Variants in LMX1B observed in about 807,000 individuals in gnomAD.
The protein encoded by LMX1B is LIM homeobox transcription factor 1 beta.
In LMX1B, 12 loss-of-function variants were observed where a neutral mutation model predicts 51.4. That is an observed-to-expected ratio of 0.23 (90% CI 0.15 to 0.38). The LOEUF (loss-of-function observed/expected upper bound fraction) is 0.38. Among genes scored for constraint, LMX1B ranks in the 10% least tolerant of loss-of-function variants. The pLI is 1.00. For missense variants in LMX1B, 445 were observed against 571.1 expected (o/e 0.78, Z 2.25); for synonymous variants, 237 against 235.4 (o/e 1.01, Z -0.06).
intron 2 of LMX1B, among the ~76,000 whole-genome samples, chr9:126,622,593 G>C (rs1835437687): frequency 6.6e-6 from 1 of 152,246 alleles, no homozygotes; most frequent in African/African-American, 2.4e-5. Flanking sequence ...TGTGACTGCT[G>C]TTCCCCCTTC....
chr9:126,674,604 G>A (rs191463128), intron 2 of LMX1B, among the ~76,000 whole-genome samples: 14 of 152,302 alleles, frequency 9.2e-5, no homozygotes, highest in Admixed American at 9.1e-4. Flanking sequence ...GCATCTCCAC[G>A]TGGTCCCCCA....
intron 2 of LMX1B, among the ~76,000 whole-genome samples, chr9:126,651,083 G>A (rs1835995284): frequency 6.6e-6 from 1 of 152,070 alleles, no homozygotes; most frequent in African/African-American, 2.4e-5. Context: ...GGTCCTGGAT[G>A]GGGCTCCAGG....
rs537445096 is a variant in LMX1B at position 126,671,832 on chromosome 9, G to A, written c.327-19004G>A. 2.0e-3 allele frequency among the ~76,000 whole-genome samples: 305 copies of A among 152,318 alleles called. 3 individuals carry two copies. The highest frequency in any genetic ancestry group is 6.8e-3 in the Middle Eastern group (2 of 294). On this transcript the variant is annotated intron_variant, in intron 2 of 7. Coordinates refer to ENST00000373474, the MANE Select transcript of LMX1B (RefSeq NM_001174147.2). This position sits in a 1 kb window ranked among gnomAD's most constrained non-coding sequence, Gnocchi z 4.4. ...GCCCCCCACAGCCCAGGCCCCCAGCGGCCCAGAGGCCACTTGGCCAGGCCT... is the reference window on the plus strand; with the variant it reads ...GCCCCCCACAGCCCAGGCCCCCAGCAGCCCAGAGGCCACTTGGCCAGGCCT...
chr9:126,682,990 C>T (rs961436933), intron 2 of LMX1B, among the ~76,000 whole-genome samples: 18 of 151,706 alleles, frequency 1.2e-4, no homozygotes, highest in African/African-American at 4.1e-4. Flanking sequence ...GGGATGGCTC[C>T]CCGGGCTCCC....
chr9:126,662,431 T>G (rs1836263391), intron 2 of LMX1B, among the ~76,000 whole-genome samples: 1 of 152,160 alleles, frequency 6.6e-6, no homozygotes, highest in Non-Finnish European at 1.5e-5. Context: ...TCCTCGGCTG[T>G]AAAGTGGGAC....
At chr9:126,634,436 C>T (rs1369190377) in intron 2 of LMX1B, among the ~76,000 whole-genome samples, 1 of 152,186 alleles carries the variant, frequency 6.6e-6, no homozygotes, top group East Asian at 1.9e-4. Context: ...GGGAAGAAAA[C>T]GCTCCAGGTC....
intron 2 of LMX1B, among the ~76,000 whole-genome samples, chr9:126,647,220 A>G (rs1352704926): frequency 6.6e-6 from 1 of 152,096 alleles, no homozygotes; most frequent in Non-Finnish European, 1.5e-5. Flanking sequence ...CTCAAGAAAA[A>G]AAAAATGCTA....
chr9:126,625,252 C>CG lies in LMX1B; in HGVS notation c.326+9685dup, dbSNP rs1564147168. Among the ~76,000 whole-genome samples, 1 of 152,248 alleles carries CG rather than the reference C, an allele frequency of 6.6e-6. No individual in the cohort carries two copies. Among genetic ancestry groups the CG allele is most frequent in the African/African-American group, 2.4e-5 (1 of 41,464 alleles). On this transcript the variant is annotated intron_variant, in intron 2 of 7. Transcript: ENST00000373474. This position sits in a 1 kb window ranked among gnomAD's most constrained non-coding sequence, Gnocchi z 5.3. ...CCGAGCGCGCTTGGGCCTCAGGAGC[C>CG]GGAGCGTTGCCGTGGGGGCGGGGGA...
intron 2 of LMX1B, among the ~76,000 whole-genome samples, chr9:126,647,898 C>G (rs1835931146): frequency 1.3e-5 from 2 of 152,218 alleles, no homozygotes; most frequent in African/African-American, 4.8e-5. Flanking sequence ...ACACAGACCT[C>G]TCTCCCCAGA....
chr9:126,635,318 C>T (rs993502911), intron 2 of LMX1B, among the ~76,000 whole-genome samples: 2 of 152,208 alleles, frequency 1.3e-5, no homozygotes, highest in Non-Finnish European at 2.9e-5. Context: ...GGGAGGTAGA[C>T]GGCTAGGACT....
At chr9:126,646,378 A>C (rs1345198833) in intron 2 of LMX1B, among the ~76,000 whole-genome samples, 1 of 151,890 alleles carries the variant, frequency 6.6e-6, no homozygotes, top group Admixed American at 6.6e-5. Flanking sequence ...CTATCCGCTT[A>C]TCCGCCTACC....
intron 2 of LMX1B, among the ~76,000 whole-genome samples, chr9:126,652,550 A>G (rs1028010510): frequency 4.6e-5 from 7 of 152,224 alleles, no homozygotes; most frequent in African/African-American, 1.7e-4. Context: ...TCGTGTGTGC[A>G]GGTCTGTCCT....
chr9:126,692,733 A>G (rs1006955864), intron 3 of LMX1B, among the ~76,000 whole-genome samples: 2 of 152,258 alleles, frequency 1.3e-5, no homozygotes, highest in Non-Finnish European at 2.9e-5. Flanking sequence ...CCACACAGCC[A>G]TGTGCACAAC....
At chr9:126,689,306 G>A (rs981563841) in intron 2 of LMX1B, among the ~76,000 whole-genome samples, 2 of 152,182 alleles carry the variant, frequency 1.3e-5, no homozygotes, top group East Asian at 1.9e-4. Flanking sequence ...CGGTTCTGAC[G>A]GCAGCTCCAG....
intron 7 of LMX1B, 43 bp from the exon 8 acceptor site, chr9:126,696,251 C>G: frequency 1.2e-6 from 2 of 1,603,302 alleles, no homozygotes; most frequent in Non-Finnish European, 1.7e-6. Flanking sequence ...CCCCCAGGAG[C>G]CCCAGCCTGT....
Position 126,615,509 on chromosome 9 carries a change from C to T in LMX1B, c.266C>T (p.Ala89Val). The change falls in exon 2 of 8, where the codon GCC (alanine) becomes GTC (valine). Residue 89 changes from alanine to valine, a missense_variant. Physicochemically the swap from Ala to Val is moderately conservative, Grantham distance 64 (BLOSUM62 0). Around this residue, in one of 3 missense-constraint regions of LMX1B, gnomAD observed 273 missense variants for 343.3 expected, o/e 0.80. Coordinates refer to ENST00000373474, the MANE Select transcript of LMX1B (RefSeq NM_001174147.2). This position sits in a 1 kb window ranked among gnomAD's most constrained non-coding sequence, Gnocchi z 6.0. The part of the protein sequence containing the change: ...ECLQCAACQQ[A>V]LTTSCYFRDR... Reference sequence around the variant, plus strand: ...TTGCAGTGCGCGGCGTGTCAGCAAGCCCTCACCACCAGCTGCTACTTCCGG... The same window carrying T: ...TTGCAGTGCGCGGCGTGTCAGCAAGTCCTCACCACCAGCTGCTACTTCCGG... 2.5e-6 allele frequency: 4 copies of T among 1,611,830 alleles called. No individual in the cohort carries two copies. The highest frequency in any genetic ancestry group is 3.4e-6 in the Non-Finnish European group (4 of 1,178,838).
At chr9:126,688,161 G>A (rs1222655569) in intron 2 of LMX1B, among the ~76,000 whole-genome samples, 1 of 152,226 alleles carries the variant, frequency 6.6e-6, no homozygotes, top group East Asian at 1.9e-4. Context: ...CGCTGCCTCT[G>A]TAATGGCGGC....
chr9:126,684,660 A>G (rs1836740092), intron 2 of LMX1B, among the ~76,000 whole-genome samples: 1 of 152,156 alleles, frequency 6.6e-6, no homozygotes, highest in South Asian at 2.1e-4. Flanking sequence ...CACAGGACAG[A>G]GGGTCTGGTT....
chr9:126,688,013 T>TC (rs939222988), intron 2 of LMX1B, among the ~76,000 whole-genome samples: 14 of 151,942 alleles, frequency 9.2e-5, no homozygotes, highest in Non-Finnish European at 1.9e-4. Flanking sequence ...ATTTCATGCA[T>TC]CCCCCCCGAT....
Sources: allele counts gnomAD v4.1 joint callset (sites outside exome capture counted in the v4.1 genomes callset), GRCh38; gene constraint gnomAD v4.1.1; regional missense constraint gnomAD v4.1.1; non-coding constraint Gnocchi (gnomAD v3.1); transcripts MANE v1.5; gene names NCBI Gene and HGNC (gene_info 2026-07-23, HGNC 2026-07-21).